The following PLPPR1 variants were observed in gnomAD, a reference collection of about 807,000 sequenced individuals.
The protein encoded by PLPPR1 is phospholipid phosphatase related 1, also known as phospholipid phosphatase-related protein type 1.
Under a neutral mutation model 33.1 loss-of-function variants are expected in PLPPR1, and 10 were observed. The observed-to-expected ratio is 0.30, with a 90% CI of 0.19 to 0.51. The LOEUF (loss-of-function observed/expected upper bound fraction) is 0.51. Ranked by LOEUF, PLPPR1 falls within the 20% of genes least tolerant of loss-of-function variation. PLPPR1 has a pLI of 0.97. For missense variants in PLPPR1, 304 were observed against 408.1 expected (o/e 0.74, Z 2.20); for synonymous variants, 151 against 151.0 (o/e 1.00, Z 0.00).
chr9:101,323,629 C>T (rs955852626), intron 7 of PLPPR1, among the ~76,000 whole-genome samples: 4 of 152,022 alleles, frequency 2.6e-5, no homozygotes, highest in East Asian at 1.9e-4. Context: ...CACCTGAGGT[C>T]GGGAGTTCGA....
intron 1 of PLPPR1, among the ~76,000 whole-genome samples, chr9:101,066,127 G>T (rs1830410248): frequency 6.6e-6 from 1 of 151,918 alleles, no homozygotes; most frequent in African/African-American, 2.4e-5. Flanking sequence ...CCTTATTTTT[G>T]ATGACCTTGA....
chr9:101,115,657 A>G (rs973840432), intron 1 of PLPPR1, among the ~76,000 whole-genome samples: 60 of 152,244 alleles, frequency 3.9e-4, no homozygotes, highest in African/African-American at 1.4e-3. Context: ...ATGAGCATAT[A>G]TACCATATGG....
Position 101,269,947 on chromosome 9 carries a change from A to G in PLPPR1, c.131A>G (p.His44Arg). Reference protein sequence around the residue: ...YFECTDTFQVHIQGFFCQDGD... With the variant: ...YFECTDTFQVRIQGFFCQDGD... ...GAATGCACTGACACTTTTCAGGTGC[A>G]TATCCAAGGATTCTTCTGTCAGGAC... Residue 44 changes from histidine to arginine, a missense_variant, in exon 3 of 8, where the codon CAT becomes CGT. Physicochemically the swap from His to Arg is conservative, Grantham distance 29. Coordinates refer to ENST00000374874, the MANE Select transcript of PLPPR1 (RefSeq NM_207299.2). The G allele has an allele frequency of 1.2e-6, 2 of 1,614,204 alleles. No individual in the cohort carries two copies. The highest frequency in any genetic ancestry group is 1.7e-6 in the Non-Finnish European group (2 of 1,180,024).
At chr9:101,291,473 G>A (rs2118923981) in intron 4 of PLPPR1, among the ~76,000 whole-genome samples, 1 of 152,278 alleles carries the variant, frequency 6.6e-6, no homozygotes, top group African/African-American at 2.4e-5. Flanking sequence ...TCTGAGAATG[G>A]GCAGACTGCC....
intron 6 of PLPPR1, among the ~76,000 whole-genome samples, chr9:101,313,186 G>T (rs1050626408): frequency 2.0e-5 from 3 of 152,192 alleles, no homozygotes; most frequent in Non-Finnish European, 2.9e-5. Context: ...CCTTCTGGGT[G>T]GCAGGGAGAG....
At chr9:101,302,472 T>G (rs181934731) in intron 4 of PLPPR1, among the ~76,000 whole-genome samples, 1 of 152,188 alleles carries the variant, frequency 6.6e-6, no homozygotes, top group East Asian at 1.9e-4. Context: ...TGGTCTTCAA[T>G]AGTTGAATTG....
chr9:101,154,579 A>AAAT (rs1350000777), intron 1 of PLPPR1, among the ~76,000 whole-genome samples: 1 of 152,086 alleles, frequency 6.6e-6, no homozygotes, highest in African/African-American at 2.4e-5. Context: ...CTAGAACTAG[A>AAAT]AATATCATTT....
At chr9:101,223,825 T>C (rs1827004123) in intron 2 of PLPPR1, among the ~76,000 whole-genome samples, 1 of 152,168 alleles carries the variant, frequency 6.6e-6, no homozygotes, top group African/African-American at 2.4e-5. Context: ...TCTTCGTAGC[T>C]GCATGAGAAC....
chr9:101,219,416 T>C (rs1564179840), intron 2 of PLPPR1, among the ~76,000 whole-genome samples: 1 of 152,240 alleles, frequency 6.6e-6, no homozygotes, highest in Non-Finnish European at 1.5e-5. Flanking sequence ...CAGATTATGA[T>C]TTATAGGACC....
chr9:101,286,436 A>AT (rs1218887571), intron 4 of PLPPR1, among the ~76,000 whole-genome samples, 200 bp downstream of exon 4: 2 of 151,882 alleles, frequency 1.3e-5, no homozygotes, highest in African/African-American at 4.8e-5. Context: ...ATTTCAACTG[A>AT]TTTTCCCCCC....
intron 1 of PLPPR1, among the ~76,000 whole-genome samples, chr9:101,065,318 A>G (rs1830398176): frequency 6.6e-6 from 1 of 152,082 alleles, no homozygotes; most frequent in African/African-American, 2.4e-5. Flanking sequence ...AGGGTATTGT[A>G]GATGTCATAT....
chr9:101,040,402 C>G lies in PLPPR1; in HGVS notation c.-46+11300C>G, dbSNP rs184263405. 3.8e-3 allele frequency among the ~76,000 whole-genome samples: 584 copies of G among 152,156 alleles called. 3 individuals are homozygous for G. The highest frequency in any genetic ancestry group is 5.2e-3 in the Non-Finnish European group (353 of 68,004). ...ACTATGTCACAAGAAACTGTCCAGC[C>G]TCTCCTTTTTGGCATCAGGGCTCCA... On this transcript the variant is annotated intron_variant, in intron 1 of 7. Coordinates refer to ENST00000374874, the MANE Select transcript of PLPPR1 (RefSeq NM_207299.2).
intron 1 of PLPPR1, among the ~76,000 whole-genome samples, chr9:101,139,911 A>C (rs1022088334): frequency 1.4e-4 from 22 of 152,188 alleles, no homozygotes; most frequent in Non-Finnish European, 7.3e-5. Context: ...TGGAATCTAG[A>C]CCTGAATCTG....
intron 4 of PLPPR1, among the ~76,000 whole-genome samples, chr9:101,302,732 T>C (rs1828776794): frequency 6.6e-6 from 1 of 152,074 alleles, no homozygotes; most frequent in Admixed American, 6.6e-5. Flanking sequence ...TGGGATAAGA[T>C]TTTTTTATCA....
chr9:101,267,855 A>C (rs918545370), intron 2 of PLPPR1, among the ~76,000 whole-genome samples: 5 of 152,140 alleles, frequency 3.3e-5, no homozygotes, highest in Non-Finnish European at 5.9e-5. Context: ...TATCTCTGTT[A>C]TAATGTGTCT....
At chr9:101,217,199 G>T (rs1002345051) in intron 2 of PLPPR1, among the ~76,000 whole-genome samples, 1 of 151,796 alleles carries the variant, frequency 6.6e-6, no homozygotes, top group Non-Finnish European at 1.5e-5. Context: ...ATTATTGAAA[G>T]AAATTATCTG....
chr9:101,095,647 A>G (rs1830807667), intron 1 of PLPPR1, among the ~76,000 whole-genome samples: 1 of 152,206 alleles, frequency 6.6e-6, no homozygotes. Context: ...TACGATGAAG[A>G]AACCATGTTT....
chr9:101,144,594 A>G (rs956960897), intron 1 of PLPPR1, among the ~76,000 whole-genome samples: 28 of 152,218 alleles, frequency 1.8e-4, no homozygotes, highest in Non-Finnish European at 4.0e-4. Flanking sequence ...AACCAAACCT[A>G]TTGACACATT....
At chr9:101,164,114 C>CT (rs1007386834) in intron 1 of PLPPR1, among the ~76,000 whole-genome samples, 1 of 151,822 alleles carries the variant, frequency 6.6e-6, no homozygotes, top group African/African-American at 2.4e-5. Flanking sequence ...CCTTTACTTC[C>CT]TTTTTTTTAA....
Sources: allele counts gnomAD v4.1 joint callset (sites outside exome capture counted in the v4.1 genomes callset), GRCh38; gene constraint gnomAD v4.1.1; transcripts MANE v1.5; gene names NCBI Gene and HGNC (gene_info 2026-07-23, HGNC 2026-07-21).